Variants in MYH11 observed in about 807,000 individuals in gnomAD.
MYH11 encodes the protein myosin-11.
A neutral mutation model predicts 246.6 loss-of-function variants in MYH11; 80 were observed. That is an observed-to-expected ratio of 0.32 (90% CI 0.27 to 0.39). The LOEUF is 0.39. MYH11 is among the 10% of genes least tolerant of loss of function. The pLI, the probability that MYH11 is intolerant of heterozygous loss-of-function variation, is 1.00. For synonymous variants in MYH11, 1,071 were observed against 1,015.5 expected (o/e 1.05, Z -1.04); for missense variants, 2,158 against 2,546.8 (o/e 0.85, Z 3.29).
chr16:15,848,193 A>C lies in MYH11; in HGVS notation c.-18+8748T>G, dbSNP rs539738018. ...GAAAATTCAGTGAGCCTGACAAATT[A>C]ATAATACTAATACTAGTAATAATAG... On this transcript the variant is annotated intron_variant, in intron 1 of 40. Coordinates refer to ENST00000300036, the MANE Select transcript of MYH11 (RefSeq NM_002474.3). Among the ~76,000 whole-genome samples, 4 of 151,420 alleles carry C rather than the reference A, an allele frequency of 2.6e-5. No homozygotes were observed. In the South Asian group the frequency reaches 6.3e-4, roughly 24 times the overall value.
chr16:15,764,073 C>T (rs368407762), intron 9 of MYH11, among the ~76,000 whole-genome samples, 182 bp from the exon 10 acceptor site: 25 of 152,246 alleles, frequency 1.6e-4, no homozygotes, highest in East Asian at 1.2e-3. Context: ...TGGAATGCCA[C>T]GCAGCAGGGA....
At chr16:15,767,096 G>A (rs1046604817) in intron 9 of MYH11, among the ~76,000 whole-genome samples, 1 of 152,146 alleles carries the variant, frequency 6.6e-6, no homozygotes, top group Non-Finnish European at 1.5e-5. Flanking sequence ...ATGGATGAAT[G>A]TATAAATGTA....
intron 27 of MYH11, among the ~76,000 whole-genome samples, chr16:15,730,618 GA>G (rs1766021152): frequency 1.3e-5 from 2 of 152,116 alleles, no homozygotes; most frequent in Non-Finnish European, 2.9e-5. Flanking sequence ...ACTAGTGATA[GA>G]ACCAAATGCA....
intron 2 of MYH11, among the ~76,000 whole-genome samples, chr16:15,835,909 T>C (rs535210224): frequency 6.6e-6 from 1 of 151,884 alleles, no homozygotes; most frequent in Admixed American, 6.6e-5. Context: ...TACGCACCAC[T>C]GCACCTGGCT....
At chr16:15,747,273 C>T (rs934506121) in intron 19 of MYH11, among the ~76,000 whole-genome samples, 1 of 152,144 alleles carries the variant, frequency 6.6e-6, no homozygotes, top group Admixed American at 6.6e-5. Context: ...TGATTATGCT[C>T]AGTTTCCAGC....
chr16:15,708,311 T>C (rs2039578191), intron 40 of MYH11, among the ~76,000 whole-genome samples: 1 of 152,152 alleles, frequency 6.6e-6, no homozygotes, highest in Non-Finnish European at 1.5e-5. Flanking sequence ...ACCGTGAACT[T>C]TGTGATCTCT....
In MYH11 at chr16:15,797,696, T is replaced by A. The variant is rs145040001; in HGVS notation, c.530+964A>T. Among the ~76,000 whole-genome samples the A allele has an allele frequency of 2.1e-3, 320 of 151,970 alleles. 1 individual carries two copies. Among genetic ancestry groups the A allele is most frequent in the Middle Eastern group, 0.014 (4 of 294 alleles). The stretch of plus-strand genomic sequence containing the variant: ...TTTGTAACCCCAAAATCAATATTCA[T>A]GGCACTTTTGTAGTCATTTGTGAAC... On this transcript the variant is annotated intron_variant, in intron 4 of 40. Coordinates refer to ENST00000300036, the MANE Select transcript of MYH11 (RefSeq NM_002474.3).
At chr16:15,733,592 G>C (rs2041030332) in intron 26 of MYH11, among the ~76,000 whole-genome samples, 1 of 151,116 alleles carries the variant, frequency 6.6e-6, no homozygotes, top group East Asian at 2.0e-4. Context: ...GTCCAGACTG[G>C]AGTACAGTGG....
At chr16:15,809,274 G>A (rs1204975716) in intron 3 of MYH11, among the ~76,000 whole-genome samples, 1 of 152,206 alleles carries the variant, frequency 6.6e-6, no homozygotes, top group East Asian at 1.9e-4. Flanking sequence ...GATCACATCT[G>A]TAATTCCAGC....
At chr16:15,752,562 C>T (rs879135678) in intron 15 of MYH11, among the ~76,000 whole-genome samples, 1 of 152,068 alleles carries the variant, frequency 6.6e-6, no homozygotes, top group Non-Finnish European at 1.5e-5. Context: ...TAGGGTAGGC[C>T]CAGCCATCTG....
At chr16:15,733,887 C>A (rs1456304326) in intron 26 of MYH11, among the ~76,000 whole-genome samples, 1 of 152,202 alleles carries the variant, frequency 6.6e-6, no homozygotes, top group African/African-American at 2.4e-5. Flanking sequence ...GGCAAGGGAG[C>A]AGAACGCTGT....
At position 15,726,690 on chromosome 16, in the gene MYH11, T is replaced by C. The variant is rs1596737675; in HGVS notation, c.3858+158A>G. ...GCCAGAAGGTTTTTTTAATATTTAA[T>C]TGAACAGGGAGATCATCGCCTCTCC... On this transcript the variant is annotated intron_variant, in intron 28 of 40. Coordinates refer to ENST00000300036, the MANE Select transcript of MYH11 (RefSeq NM_002474.3). 31 of 861,296 alleles carry C rather than the reference T, an allele frequency of 3.6e-5. No homozygotes were observed. In the East Asian group the frequency reaches 5.1e-4, roughly 14 times the overall value. 53.4% of individuals were successfully genotyped at this position (861,296 alleles called of 1,614,324 possible). A position where few individuals can be genotyped will look rare whatever the true frequency, so the allele number is the denominator to read the frequency against.
intron 2 of MYH11, among the ~76,000 whole-genome samples, chr16:15,833,068 G>A (rs1339612985): frequency 6.9e-6 from 1 of 144,704 alleles, no homozygotes; most frequent in Non-Finnish European, 1.5e-5. Flanking sequence ...GGCCGAAGTG[G>A]TGAAGATTGC....
At chr16:15,784,561 A>T in intron 5 of MYH11, 1 of 879,774 alleles carries the variant, frequency 1.1e-6, no homozygotes, top group Non-Finnish European at 1.8e-6. Context: ...GCATTTACTG[A>T]TTTAAGTTGT....
intron 38 of MYH11, 99 bp from the exon 39 acceptor site, chr16:15,715,371 C>T: frequency 9.4e-7 from 1 of 1,068,178 alleles, no homozygotes; most frequent in Non-Finnish European, 1.4e-6. Flanking sequence ...TTTCCTGAGC[C>T]CCGTATCTGG....
chr16:15,855,421 T>C (rs113991096), intron 1 of MYH11, among the ~76,000 whole-genome samples: 111 of 152,338 alleles, frequency 7.3e-4, no homozygotes, highest in African/African-American at 2.5e-3. Context: ...AACAAGTTTG[T>C]GTCCATGGTA....
At chr16:15,722,907 C>A (rs771084512) in intron 31 of MYH11, among the ~76,000 whole-genome samples, 8 of 152,162 alleles carry the variant, frequency 5.3e-5, no homozygotes, top group Non-Finnish European at 8.8e-5. Context: ...CCACGCCCGG[C>A]TAATTTTGGT....
At chr16:15,719,184 T>C (rs1280492969) in intron 36 of MYH11, 36 bp downstream of exon 36, 1 of 1,599,888 alleles carries the variant, frequency 6.3e-7, no homozygotes, top group Admixed American at 1.7e-5. Flanking sequence ...CCCCATCCTC[T>C]GCTTCAGAGC....
chr16:15,785,871 T>C (rs1463634991), intron 5 of MYH11: 2 of 157,460 alleles, frequency 1.3e-5, no homozygotes, highest in South Asian at 1.9e-4. Context: ...ATTTGAGGGA[T>C]TCTTTGACAA....
Sources: gnomAD v4.1 joint callset for allele counts (sites outside exome capture counted in the v4.1 genomes callset) on GRCh38, gnomAD v4.1.1 for gene constraint, MANE v1.5 for transcripts, NCBI Gene and HGNC (gene_info 2026-07-23, HGNC 2026-07-21) for gene names.